The following MED12L variants were observed in gnomAD, a reference collection of about 807,000 sequenced individuals.
The protein encoded by MED12L is mediator complex subunit 12L, also known as mediator of RNA polymerase II transcription subunit 12-like protein.
MED12L carries 60 observed loss-of-function variants against 281.3 expected under a neutral mutation model. That is an observed-to-expected ratio of 0.21 (90% CI 0.17 to 0.26). The LOEUF (loss-of-function observed/expected upper bound fraction) is 0.26, where lower values mean the gene tolerates loss of function less well. MED12L is among the 10% of genes least tolerant of loss of function. MED12L has a pLI of 1.00. For missense variants in MED12L, 2,146 were observed against 2,680.9 expected (o/e 0.80, Z 4.41); for synonymous variants, 974 against 987.2 (o/e 0.99, Z 0.25).
At position 151,192,599 on chromosome 3, in the gene MED12L, T is replaced by A; in HGVS notation, c.2018T>A (p.Ile673Asn). ...HMGIDSGTTN[I>N]FDEVDKSDFK... ...GGCATTGACTCAGGAACCACTAACA[T>A]TTTTGATGAAGTAGACAAGAGTGAC... Residue 673 changes from isoleucine (I) to asparagine (N), a missense_variant, in exon 15 of 45, where the codon ATT becomes AAT. Physicochemically the swap from Ile to Asn is moderately radical, Grantham distance 149. Transcript: ENST00000687756. The A allele has an allele frequency of 6.5e-7, 1 of 1,536,360 alleles. No homozygotes were observed. The highest frequency in any genetic ancestry group is 8.7e-7 in the Non-Finnish European group (1 of 1,146,856).
At chr3:151,140,838 C>T (rs963056045) in intron 5 of MED12L, among the ~76,000 whole-genome samples, 2 of 150,988 alleles carry the variant, frequency 1.3e-5, no homozygotes, top group Non-Finnish European at 1.5e-5. Flanking sequence ...TGCCTCCACA[C>T]GCAGATAATT....
chr3:151,217,687 A>C (rs1361614253), intron 16 of MED12L, among the ~76,000 whole-genome samples: 1 of 152,196 alleles, frequency 6.6e-6, no homozygotes, highest in Non-Finnish European at 1.5e-5. Flanking sequence ...TCATGCCAGG[A>C]CAGATTTCTT....
At position 151,361,341 on chromosome 3, in the gene MED12L, T is replaced by C. The variant is rs567789417; in HGVS notation, c.2957+736T>C. On this transcript the variant is annotated intron_variant, in intron 21 of 44. Transcript: ENST00000687756. ...CTCACTGAATAACATTAAATCAATG[T>C]GCATTAAAAGTAGGAAACCTGGTTT... Among the ~76,000 whole-genome samples, 5 of 152,256 alleles carry C rather than the reference T, an allele frequency of 3.3e-5. No individual in the cohort carries two copies. The East Asian group carries it at 9.6e-4, about 29-fold the overall frequency.
chr3:151,319,468 C>CATGT (rs1553777796), intron 16 of MED12L, among the ~76,000 whole-genome samples: 1 of 145,552 alleles, frequency 6.9e-6, no homozygotes, highest in African/African-American at 2.6e-5. Flanking sequence ...TGTGTGTGTG[C>CATGT]GTGTGTGTGT....
intron 16 of MED12L, among the ~76,000 whole-genome samples, chr3:151,254,701 C>T (rs934824337): frequency 2.0e-5 from 3 of 152,184 alleles, no homozygotes; most frequent in African/African-American, 4.8e-5. Context: ...AGCATAGATG[C>T]TTCTTAGCAT....
At chr3:151,214,361 G>T in intron 16 of MED12L, 2 of 1,523,196 alleles carry the variant, frequency 1.3e-6, no homozygotes, top group Non-Finnish European at 1.8e-6. Context: ...GTGTGAACTG[G>T]TCACTCATAG....
intron 5 of MED12L, among the ~76,000 whole-genome samples, chr3:151,153,564 CTT>C (rs1177653143): frequency 1.7e-4 from 16 of 94,262 alleles, no homozygotes; most frequent in African/African-American, 5.9e-4. Flanking sequence ...TGTTTTCTTT[CTT>C]TTTTTTTTTT....
chr3:151,233,794 G>C lies in MED12L; in HGVS notation c.2250+40128G>C, dbSNP rs892599590. ...GAGCGAGAGTCCCACAGGCATTCTT[G>C]GATCGTTCCTGTTCCTCCTCTGCCA... On this transcript the variant is annotated intron_variant, in intron 16 of 44. Transcript: ENST00000687756. Among the ~76,000 whole-genome samples the C allele has an allele frequency of 5.9e-5, 9 of 152,160 alleles. No individual in the cohort carries two copies. In the East Asian group the frequency reaches 1.2e-3, roughly 20 times the overall value.
intron 3 of MED12L, among the ~76,000 whole-genome samples, chr3:151,117,963 C>T (rs1380170472): frequency 6.6e-6 from 1 of 150,544 alleles, no homozygotes; most frequent in Non-Finnish European, 1.5e-5. Flanking sequence ...TGGTGGTGGG[C>T]GCCTGTAATC....
At chr3:151,307,240 G>C (rs923717316) in intron 16 of MED12L, among the ~76,000 whole-genome samples, 1 of 152,206 alleles carries the variant, frequency 6.6e-6, no homozygotes, top group Non-Finnish European at 1.5e-5. Flanking sequence ...TAAGATTATA[G>C]CTCTGCTGAA....
chr3:151,114,966 G>C (rs1712498106), intron 2 of MED12L, among the ~76,000 whole-genome samples: 1 of 152,284 alleles, frequency 6.6e-6, no homozygotes, highest in East Asian at 1.9e-4. Flanking sequence ...TTAGAAGATA[G>C]TATTTCCGTG....
At chr3:151,334,313 T>C (rs2149900868) in intron 16 of MED12L, among the ~76,000 whole-genome samples, 1 of 151,294 alleles carries the variant, frequency 6.6e-6, no homozygotes, top group Non-Finnish European at 1.5e-5. Context: ...TTTCCACATC[T>C]TTAGTTCCCA....
At chr3:151,140,174 G>A (rs1213605013) in intron 5 of MED12L, among the ~76,000 whole-genome samples, 13 of 152,132 alleles carry the variant, frequency 8.5e-5, no homozygotes, top group Admixed American at 2.0e-4. Flanking sequence ...GTAAAAATTG[G>A]AAGACCTCTA....
intron 16 of MED12L, among the ~76,000 whole-genome samples, chr3:151,283,463 CT>C (rs1277394087): frequency 6.6e-6 from 1 of 152,192 alleles, no homozygotes; most frequent in Non-Finnish European, 1.5e-5. Context: ...AAAGCATTTT[CT>C]TTTTCACCTT....
chr3:151,178,255 A>G (rs1190895504), intron 11 of MED12L, among the ~76,000 whole-genome samples: 1 of 151,004 alleles, frequency 6.6e-6, no homozygotes, highest in Non-Finnish European at 1.5e-5. Context: ...TAGTGTTTGG[A>G]ATGAAGTACT....
chr3:151,369,603 A>T (rs1035093444), intron 26 of MED12L, 54 bp downstream of exon 26: 18 of 1,173,536 alleles, frequency 1.5e-5, no homozygotes, highest in Non-Finnish European at 2.2e-5. Flanking sequence ...ATGAAGGCAA[A>T]ATAATTTATT....
Position 151,385,124 on chromosome 3 carries a change from C to G in MED12L, c.5021C>G (p.Pro1674Arg). Reference sequence around the variant, plus strand: ...ACATGTGATGTCATCACTTGTGAACCTATGGGTTCCTTGATTGACACAAAA... The same window carrying G: ...ACATGTGATGTCATCACTTGTGAACGTATGGGTTCCTTGATTGACACAAAA... ...KQTCDVITCE[P>R]MGSLIDTKGN... The change falls in exon 36 of 45, where the codon CCT (proline) becomes CGT (arginine). Residue 1674 changes from proline (P) to arginine (R), a missense_variant. By Grantham distance (103) the Pro-to-Arg change is moderately radical. Transcript: ENST00000687756. 1 of 1,611,160 alleles carries G rather than the reference C, an allele frequency of 6.2e-7. No homozygotes were observed. The highest frequency in any genetic ancestry group is 8.5e-7 in the Non-Finnish European group (1 of 1,178,824).
intron 16 of MED12L, chr3:151,338,474 C>T: frequency 6.2e-7 from 1 of 1,613,730 alleles, no homozygotes; most frequent in South Asian, 1.1e-5. Flanking sequence ...TGGTGGTCTT[C>T]TGGTAGCGAT....
chr3:151,341,292 A>G (rs1751787276), intron 16 of MED12L, among the ~76,000 whole-genome samples: 1 of 152,130 alleles, frequency 6.6e-6, no homozygotes. Flanking sequence ...TCCTTCTATT[A>G]TAAATTAGCA....
Sources: gnomAD v4.1 joint callset for allele counts (sites outside exome capture counted in the v4.1 genomes callset) on GRCh38, gnomAD v4.1.1 for gene constraint, MANE v1.5 for transcripts, NCBI Gene and HGNC (gene_info 2026-07-23, HGNC 2026-07-21) for gene names.